The following EYS variants were observed in gnomAD, a reference collection of about 807,000 sequenced individuals.
EYS encodes the protein protein eyes shut homolog.
EYS carries 250 observed loss-of-function variants against 282.1 expected under a neutral mutation model. The ratio of observed to expected loss-of-function variants is 0.89; its 90% confidence interval spans 0.80 to 0.98. The LOEUF (loss-of-function observed/expected upper bound fraction) is 0.98, where lower values mean the gene tolerates loss of function less well. Ranked by LOEUF, EYS falls within the 50% of genes least tolerant of loss-of-function variation. EYS has a pLI of 0.00. For synonymous variants in EYS, 1,355 were observed against 1,282.9 expected, an observed-to-expected ratio of 1.06 and a Z score of -1.20; for missense variants, 4,016 against 3,709.0, an observed-to-expected ratio of 1.08 and a Z score of -2.15.
intron 2 of EYS, among the ~76,000 whole-genome samples, chr6:65,513,372 C>T (rs1321033309): frequency 6.6e-6 from 1 of 152,140 alleles, no homozygotes; most frequent in African/African-American, 2.4e-5. Context: ...CAAGGAGGAA[C>T]TGGTACCATT....
At chr6:64,023,289 C>T (rs961937722) in intron 33 of EYS, among the ~76,000 whole-genome samples, 4 of 152,194 alleles carry the variant, frequency 2.6e-5, no homozygotes, top group African/African-American at 9.6e-5. Flanking sequence ...GGGTTGTGAA[C>T]AATTCTGCTA....
At chr6:64,928,398 AT>A (rs947160776) in intron 15 of EYS, among the ~76,000 whole-genome samples, 10 of 152,024 alleles carry the variant, frequency 6.6e-5, no homozygotes, top group African/African-American at 2.4e-4. Flanking sequence ...AATACAAATA[AT>A]TTTACTCACA....
At chr6:63,721,894 G>A (rs1768411663) in intron 42 of EYS, 97 bp from the exon 43 acceptor site, 1 of 1,119,422 alleles carries the variant, frequency 8.9e-7, no homozygotes, top group African/African-American at 1.6e-5. Context: ...TTTTAGTTAT[G>A]GGGAAAAAAG....
At chr6:64,333,422 A>G (rs1030976450) in intron 29 of EYS, among the ~76,000 whole-genome samples, 5 of 152,168 alleles carry the variant, frequency 3.3e-5, no homozygotes, top group African/African-American at 4.8e-5. Context: ...CAGAGCCACC[A>G]AGGCCGTAAT....
At chr6:65,285,470 T>C (rs1438437577) in intron 12 of EYS, among the ~76,000 whole-genome samples, 1 of 152,022 alleles carries the variant, frequency 6.6e-6, no homozygotes, top group Admixed American at 6.6e-5. Flanking sequence ...TAATGCTTTT[T>C]ACATTTAGTC....
intron 28 of EYS, among the ~76,000 whole-genome samples, chr6:64,399,551 AT>A (rs199506304): frequency 0.031 from 4,710 of 151,940 alleles, 228 homozygotes; most frequent in African/African-American, 0.11. Context: ...AGGAAAATTT[AT>A]TCACTACAGA....
rs1767258918 is a variant in EYS at position 65,416,802 on chromosome 6, A to G, written c.863-11435T>C. 2.0e-5 allele frequency among the ~76,000 whole-genome samples: 3 copies of G among 152,016 alleles called. No homozygotes were observed. In the South Asian group the frequency reaches 6.2e-4, roughly 31 times the overall value. ...AAGCTATTATACTCTTAGGATAGGC[A>G]ACACAAAGACATCACCAAGTAGGAT... On this transcript the variant is annotated intron_variant, in intron 5 of 42. Transcript: ENST00000503581.
chr6:65,248,440 G>A (rs1767236427), intron 12 of EYS, among the ~76,000 whole-genome samples: 1 of 152,048 alleles, frequency 6.6e-6, no homozygotes, highest in Non-Finnish European at 1.5e-5. Context: ...CAATGCAGAA[G>A]AAATGACATA....
At chr6:65,325,868 C>T (rs973117243) in intron 11 of EYS, among the ~76,000 whole-genome samples, 9 of 152,096 alleles carry the variant, frequency 5.9e-5, no homozygotes, top group Admixed American at 3.9e-4. Context: ...ACTGGCTAAA[C>T]TGTAAGAGGC....
At chr6:64,795,263 C>T (rs891942840) in intron 22 of EYS, among the ~76,000 whole-genome samples, 28 of 151,534 alleles carry the variant, frequency 1.8e-4, no homozygotes, top group African/African-American at 6.8e-4. Context: ...GTAGACATTG[C>T]CTTTTATTTT....
chr6:64,041,800 T>G (rs1216411291), intron 33 of EYS, among the ~76,000 whole-genome samples: 2 of 152,218 alleles, frequency 1.3e-5, no homozygotes, highest in African/African-American at 4.8e-5. Flanking sequence ...TTGGAAATCT[T>G]AATATATCTA....
intron 12 of EYS, among the ~76,000 whole-genome samples, chr6:65,137,088 T>C (rs929947031): frequency 6.6e-6 from 1 of 152,106 alleles, no homozygotes; most frequent in African/African-American, 2.4e-5. Flanking sequence ...AAATGTCTTC[T>C]GACCTCTAAC....
At chr6:64,593,955 A>G (rs1291660198) in intron 24 of EYS, among the ~76,000 whole-genome samples, 1 of 152,178 alleles carries the variant, frequency 6.6e-6, no homozygotes, top group East Asian at 1.9e-4. Flanking sequence ...AACAAGTTAT[A>G]CTATATGAAT....
intron 26 of EYS, among the ~76,000 whole-genome samples, chr6:64,572,132 A>G (rs1249278346): frequency 6.6e-6 from 1 of 152,206 alleles, no homozygotes; most frequent in Non-Finnish European, 1.5e-5. Flanking sequence ...TATGCAAATC[A>G]AAAAACATAA....
At chr6:64,241,264 G>A (rs1453980932) in intron 30 of EYS, among the ~76,000 whole-genome samples, 2 of 152,086 alleles carry the variant, frequency 1.3e-5, no homozygotes, top group South Asian at 2.1e-4. Flanking sequence ...CCTCATAAAC[G>A]AGTTGGGGAG....
chr6:65,154,147 AC>A (rs1764680626), intron 12 of EYS, among the ~76,000 whole-genome samples: 1 of 151,754 alleles, frequency 6.6e-6, no homozygotes, highest in Non-Finnish European at 1.5e-5. Context: ...GCCAACTCCT[AC>A]CACATATAAG....
intron 33 of EYS, among the ~76,000 whole-genome samples, chr6:64,016,369 A>G (rs1378916271): frequency 2.0e-5 from 3 of 152,204 alleles, no homozygotes; most frequent in African/African-American, 7.2e-5. Context: ...AAATTGAGGC[A>G]CCTAGGGGTT....
chr6:63,800,936 G>T (rs554966468), intron 37 of EYS, among the ~76,000 whole-genome samples: 168 of 152,338 alleles, frequency 1.1e-3, no homozygotes, highest in Middle Eastern at 3.4e-3. Flanking sequence ...GGAACAGCCT[G>T]CACAGAAGTG....
chr6:65,282,137 A>AT (rs1182227326), intron 12 of EYS, among the ~76,000 whole-genome samples: 8 of 151,806 alleles, frequency 5.3e-5, no homozygotes, highest in African/African-American at 1.5e-4. Context: ...GAGGGAAAAA[A>AT]ATATATATAT....
Sources: allele counts gnomAD v4.1 joint callset (sites outside exome capture counted in the v4.1 genomes callset), GRCh38; gene constraint gnomAD v4.1.1; transcripts MANE v1.5; gene names NCBI Gene and HGNC (gene_info 2026-07-23, HGNC 2026-07-21).